The following MYCBP2 variants were observed in gnomAD, a reference collection of about 807,000 sequenced individuals.
The protein encoded by MYCBP2 is E3 ubiquitin-protein ligase MYCBP2.
MYCBP2 carries 120 observed loss-of-function variants against 525.3 expected under a neutral mutation model. The ratio of observed to expected loss-of-function variants is 0.23; its 90% confidence interval spans 0.20 to 0.27. The LOEUF (loss-of-function observed/expected upper bound fraction) is 0.27, where lower values mean the gene tolerates loss of function less well. Ranked by LOEUF, MYCBP2 falls within the 10% of genes least tolerant of loss-of-function variation. MYCBP2 has a pLI of 1.00. For synonymous variants in MYCBP2, 1,894 were observed against 1,955.8 expected (o/e 0.97, Z 0.83); for missense variants, 4,149 against 5,657.1 (o/e 0.73, Z 8.55).
chr13:77,212,127 G>A lies in MYCBP2; in HGVS notation c.3091C>T (p.Pro1031Ser). 6.2e-7 allele frequency: 1 copy of A among 1,614,034 alleles called. No individual in the cohort carries two copies. The highest frequency in any genetic ancestry group is 8.5e-7 in the Non-Finnish European group (1 of 1,179,970). ...GQLGRPILDV[P>S]YWNAKPAPMP... is the part of the protein sequence containing the mutation. ...GGAGCTGGCTTTGCATTCCAATATG[G>A]CACATCCAAAATTGGTCTGCCCAGT... The change falls in exon 22 of 83, where the codon CCA (proline) becomes TCA (serine). Residue 1031 changes from proline (P) to serine (S), a missense_variant. Coordinates refer to ENST00000544440, the MANE Select transcript of MYCBP2 (RefSeq NM_015057.5).
intron 26 of MYCBP2, among the ~76,000 whole-genome samples, chr13:77,204,986 C>T (rs2063149197): frequency 1.3e-5 from 2 of 151,476 alleles, no homozygotes; most frequent in African/African-American, 4.8e-5. Context: ...CAGCATGGCA[C>T]ATGTATACAT....
chr13:77,226,887 G>A (rs2066359327), intron 18 of MYCBP2, among the ~76,000 whole-genome samples: 1 of 152,056 alleles, frequency 6.6e-6, no homozygotes, highest in African/African-American at 2.4e-5. Context: ...ACAGAACACT[G>A]AAGTAAAAAT....
chr13:77,242,056 G>C (rs1226145237), intron 17 of MYCBP2, among the ~76,000 whole-genome samples: 1 of 152,030 alleles, frequency 6.6e-6, no homozygotes, highest in African/African-American at 2.4e-5. Flanking sequence ...GAAATCTTTA[G>C]TAATACATAT....
At chr13:77,194,016 T>C (rs952073206) in intron 27 of MYCBP2, 137 bp downstream of exon 27, 8 of 519,404 alleles carry the variant, frequency 1.5e-5, no homozygotes, top group Non-Finnish European at 2.7e-5. Context: ...TATTGCTTAA[T>C]ATATAATTTA....
intron 20 of MYCBP2, among the ~76,000 whole-genome samples, chr13:77,223,815 A>T (rs2065904348): frequency 6.6e-6 from 1 of 152,206 alleles, no homozygotes; most frequent in South Asian, 2.1e-4. Flanking sequence ...CCAAAGTGGC[A>T]CCTATCACTT....
intron 28 of MYCBP2, among the ~76,000 whole-genome samples, chr13:77,191,456 C>T (rs2061288508): frequency 6.6e-6 from 1 of 152,160 alleles, no homozygotes; most frequent in African/African-American, 2.4e-5. Flanking sequence ...GAAATATATA[C>T]AAATACCATC....
chr13:77,181,432 T>C lies in MYCBP2; in HGVS notation c.4941+269A>G, dbSNP rs961426201. Among the ~76,000 whole-genome samples the C allele has an allele frequency of 7.9e-5, 12 of 152,294 alleles. No individual in the cohort carries two copies. In the Middle Eastern group the frequency reaches 0.017, roughly 216 times the overall value. ...GGAAAAACAAATATGTAGGTATTCA[T>C]TGTATAACTCTCAAATTTTTTTAAA... On this transcript the variant is annotated intron_variant, in intron 33 of 82. Transcript: ENST00000544440.
chr13:77,310,769 C>T (rs561907395), intron 1 of MYCBP2, among the ~76,000 whole-genome samples: 39 of 127,336 alleles, frequency 3.1e-4, no homozygotes, highest in Non-Finnish European at 4.7e-4. Flanking sequence ...GAGACACAGA[C>T]GTGTGTGCGT....
intron 1 of MYCBP2, among the ~76,000 whole-genome samples, chr13:77,314,372 A>G (rs1305918962): frequency 6.6e-6 from 1 of 152,260 alleles, no homozygotes; most frequent in African/African-American, 2.4e-5. Flanking sequence ...ATTGTCCTCC[A>G]AACTCACCAA....
chr13:77,168,533 T>C lies in MYCBP2; in HGVS notation c.6009A>G (p.Thr2003=), dbSNP rs2058776433. 1 of 1,614,048 alleles carries C rather than the reference T, an allele frequency of 6.2e-7. No homozygotes were observed. Residue 2003 remains threonine (T), a synonymous_variant, in exon 40 of 83, where the codon ACA becomes ACG. Coordinates refer to ENST00000544440, the MANE Select transcript of MYCBP2 (RefSeq NM_015057.5). The stretch of plus-strand genomic sequence containing the variant: ...AGAGGCCCTGTTCAGGCTGGTTTCC[T>C]GTGGTGCTATCTGTCGACTGATTAG... The part of the protein sequence containing the change: ...FNPNQSTDST[T]GNQPEQGLSA...
intron 2 of MYCBP2, among the ~76,000 whole-genome samples, chr13:77,294,109 T>TATATATATATATAC (rs2077805853): frequency 9.5e-5 from 5 of 52,404 alleles, no homozygotes; most frequent in Non-Finnish European, 2.1e-4. Context: ...AATGGCTATA[T>TATATATATATATAC]ATATATATAT....
At chr13:77,123,969 G>A (rs191725803) in intron 54 of MYCBP2, among the ~76,000 whole-genome samples, 22 of 152,130 alleles carry the variant, frequency 1.4e-4, no homozygotes, top group Admixed American at 9.2e-4. Context: ...TACATCAAGC[G>A]GAACCCTTAT....
At chr13:77,210,253 T>C (rs917491371) in intron 23 of MYCBP2, among the ~76,000 whole-genome samples, 4 of 150,640 alleles carry the variant, frequency 2.7e-5, no homozygotes, top group Non-Finnish European at 5.9e-5. Context: ...AGTGCAGTGG[T>C]GCGATCTCGG....
chr13:77,278,024 G>A (rs917940896), intron 4 of MYCBP2, among the ~76,000 whole-genome samples: 12 of 152,098 alleles, frequency 7.9e-5, no homozygotes, highest in African/African-American at 2.9e-4. Flanking sequence ...GCAAGAATCG[G>A]AACATACTTT....
At chr13:77,269,319 A>G (rs1291212320) in intron 7 of MYCBP2, among the ~76,000 whole-genome samples, 1 of 152,202 alleles carries the variant, frequency 6.6e-6, no homozygotes, top group Non-Finnish European at 1.5e-5. Flanking sequence ...TGGCCTCAGG[A>G]CATGTATACA....
intron 18 of MYCBP2, among the ~76,000 whole-genome samples, chr13:77,231,199 C>A (rs1166122737): frequency 6.6e-6 from 1 of 152,156 alleles, no homozygotes; most frequent in African/African-American, 2.4e-5. Context: ...CAAAGTAGGT[C>A]CTTACAGAGT....
At position 77,044,742 on chromosome 13, in the gene MYCBP2, C is replaced by T. The variant is rs1166225858; in HGVS notation, c.*636G>A. The stretch of plus-strand genomic sequence containing the variant: ...TTTACAGCTGCAAGATAATGAGGCA[C>T]ACTCAGTATTGCACTTCATTAAAAT... On this transcript the variant is annotated 3_prime_UTR_variant, in exon 83 of 83. Coordinates refer to ENST00000544440, the MANE Select transcript of MYCBP2 (RefSeq NM_015057.5). 3 of 398,616 alleles carry T rather than the reference C, an allele frequency of 7.5e-6. No individual in the cohort carries two copies. Among genetic ancestry groups the T allele is most frequent in the Non-Finnish European group, 1.3e-5 (3 of 225,972 alleles). The allele number at this position is 398,616 out of a possible 1,614,324, so 24.7% of individuals were successfully genotyped here.
chr13:77,072,391 T>C (rs2041530201), intron 68 of MYCBP2, among the ~76,000 whole-genome samples: 1 of 151,408 alleles, frequency 6.6e-6, no homozygotes, highest in Non-Finnish European at 1.5e-5. Context: ...TACCCCAAAT[T>C]TGTGAAATGC....
At chr13:77,089,274 C>CA (rs1031062365) in intron 60 of MYCBP2, among the ~76,000 whole-genome samples, 177 of 152,150 alleles carry the variant, frequency 1.2e-3, no homozygotes, top group Admixed American at 3.1e-3. Flanking sequence ...ATCTAAAGTT[C>CA]ACCTTTTCTA....
Sources: gnomAD v4.1 joint callset for allele counts (sites outside exome capture counted in the v4.1 genomes callset) on GRCh38, gnomAD v4.1.1 for gene constraint, MANE v1.5 for transcripts, NCBI Gene and HGNC (gene_info 2026-07-23, HGNC 2026-07-21) for gene names.